Variants in PPM1H observed in about 807,000 individuals in gnomAD.
PPM1H encodes protein phosphatase 1H.
PPM1H carries 27 observed loss-of-function variants against 54.9 expected under a neutral mutation model. The ratio of observed to expected loss-of-function variants is 0.49; its 90% CI spans 0.36 to 0.68. The LOEUF (loss-of-function observed/expected upper bound fraction) is 0.68, where lower values mean the gene tolerates loss of function less well. PPM1H is among the 30% of genes least tolerant of loss of function. PPM1H has a pLI of 0.00. For synonymous variants in PPM1H, 305 were observed against 270.8 expected, an observed-to-expected ratio of 1.13 and a Z score of -1.24; for missense variants, 596 against 667.8, an observed-to-expected ratio of 0.89 and a Z score of 1.19.
chr12:62,750,903 C>T (rs1186253041), intron 4 of PPM1H, among the ~76,000 whole-genome samples: 1 of 152,190 alleles, frequency 6.6e-6, no homozygotes, highest in Non-Finnish European at 1.5e-5. Flanking sequence ...TCATCTGCAT[C>T]AGAGGATATG....
rs184830764 is a variant in PPM1H, at chr12:62,799,185, A to G, written c.756+2631T>C. 3.9e-5 allele frequency among the ~76,000 whole-genome samples: 6 copies of G among 152,346 alleles called. No individual in the cohort carries two copies. The South Asian group carries it at 1.2e-3, about 32-fold the overall frequency. On this transcript the variant is annotated intron_variant, in intron 3 of 9. Coordinates refer to ENST00000228705, the MANE Select transcript of PPM1H (RefSeq NM_020700.2). ...GGTTCATTAAAAGTAGAAATATTTT[A>G]AAAATGAGCCTCTTAAGTATTTTTC...
intron 9 of PPM1H, chr12:62,658,866 G>C (rs2075863301): frequency 1.7e-6 from 1 of 601,408 alleles, no homozygotes; most frequent in Non-Finnish European, 3.1e-6. Context: ...GTCAAAAAAA[G>C]AACCAAGAAG....
intron 8 of PPM1H, among the ~76,000 whole-genome samples, chr12:62,672,243 T>A (rs757780940): frequency 6.6e-6 from 1 of 152,206 alleles, no homozygotes. Flanking sequence ...CAGAATACTA[T>A]TGCTTTTGCG....
intron 8 of PPM1H, among the ~76,000 whole-genome samples, chr12:62,683,114 T>C (rs563840892): frequency 6.6e-6 from 1 of 150,542 alleles, no homozygotes; most frequent in South Asian, 2.1e-4. Context: ...TTCTCCATGT[T>C]GCCCAGGTTG....
At chr12:62,834,051 A>C (rs915960461) in intron 1 of PPM1H, among the ~76,000 whole-genome samples, 1 of 152,180 alleles carries the variant, frequency 6.6e-6, no homozygotes, top group Non-Finnish European at 1.5e-5. Flanking sequence ...TACTAATTTC[A>C]ACTTTAGCAT....
chr12:62,872,143 C>T (rs537592773), intron 1 of PPM1H, among the ~76,000 whole-genome samples: 11 of 152,284 alleles, frequency 7.2e-5, no homozygotes, highest in African/African-American at 1.7e-4. Flanking sequence ...TAGAAGAAGA[C>T]AACTTCAATC....
chr12:62,934,830 G>C lies in PPM1H; in HGVS notation c.-94C>G. The C allele has an allele frequency of 8.3e-7, 1 of 1,210,970 alleles. No individual in the cohort carries two copies. Among genetic ancestry groups the C allele is most frequent in the Admixed American group, 4.4e-5 (1 of 22,918 alleles). The allele number at this position is 1,210,970 out of a possible 1,614,324, so 75.0% of individuals were successfully genotyped here. A position where few individuals can be genotyped will look rare whatever the true frequency, so the allele number is the denominator to read the frequency against. On this transcript the variant is annotated 5_prime_UTR_variant, in exon 1 of 10. Coordinates refer to ENST00000228705, the MANE Select transcript of PPM1H (RefSeq NM_020700.2). The surrounding 1 kb of genome is among the most constrained non-coding windows in gnomAD (Gnocchi z 4.2). ...GGCATGCAGGCTGCGGTGGGCGCCG[G>C]GCGCACGGCGAGTCGGGCCACTGGG... is the stretch of plus-strand genomic sequence containing the variant.
chr12:62,831,067 A>G lies in PPM1H; in HGVS notation c.411+1047T>C, dbSNP rs189610881. On this transcript the variant is annotated intron_variant, in intron 2 of 9. Transcript: ENST00000228705. ...ATGGGGTTTCACCATGTTAGCCAGG[A>G]TGGTCTGGATCTCCTGACCTCATGA... Among the ~76,000 whole-genome samples the G allele has an allele frequency of 2.5e-3, 382 of 152,186 alleles. 2 individuals are homozygous for G. The highest frequency in any genetic ancestry group is 4.8e-3 in the Admixed American group (74 of 15,274).
chr12:62,680,809 T>C (rs575630623), intron 8 of PPM1H, among the ~76,000 whole-genome samples: 1 of 152,322 alleles, frequency 6.6e-6, no homozygotes, highest in African/African-American at 2.4e-5. Context: ...AGGTTTGTTT[T>C]GTAACCAAAA....
intron 4 of PPM1H, among the ~76,000 whole-genome samples, chr12:62,784,050 G>A (rs890538123): frequency 3.3e-5 from 5 of 152,086 alleles, no homozygotes; most frequent in African/African-American, 7.2e-5. Context: ...GTGAAAATCC[G>A]CCCACCATCT....
intron 2 of PPM1H, among the ~76,000 whole-genome samples, chr12:62,817,137 G>GAAAAAAAAAAAAAAAAAAAAAAAAAA (rs748440124): frequency 3.0e-5 from 2 of 67,358 alleles, no homozygotes; most frequent in African/African-American, 6.2e-5. Context: ...AAAAAAAAAA[G>GAAAAAAAAAAAAAAAAAAAAAAAAAA]AAAAAAAAAA....
intron 6 of PPM1H, among the ~76,000 whole-genome samples, chr12:62,711,181 AG>A (rs201533852): frequency 0.01 from 1,578 of 152,280 alleles, 24 homozygotes; most frequent in African/African-American, 0.036. Context: ...TTATAGAAAC[AG>A]GGTCTCCCCA....
At chr12:62,681,225 C>G (rs2076017434) in intron 8 of PPM1H, among the ~76,000 whole-genome samples, 1 of 152,100 alleles carries the variant, frequency 6.6e-6, no homozygotes, top group Non-Finnish European at 1.5e-5. Context: ...ATATTTTTTC[C>G]TCTTTAGACC....
intron 4 of PPM1H, among the ~76,000 whole-genome samples, chr12:62,747,676 C>T (rs1181145662): frequency 6.6e-6 from 1 of 152,224 alleles, no homozygotes; most frequent in Admixed American, 6.5e-5. Context: ...CCAGAGCACA[C>T]TTCAGCCCTT....
chr12:62,919,098 C>T (rs1871712274), intron 1 of PPM1H, among the ~76,000 whole-genome samples: 1 of 152,244 alleles, frequency 6.6e-6, no homozygotes, highest in African/African-American at 2.4e-5. Context: ...ATAATAGTCT[C>T]AGCATGAGTT....
At chr12:62,761,226 G>A (rs968840639) in intron 4 of PPM1H, among the ~76,000 whole-genome samples, 2 of 152,208 alleles carry the variant, frequency 1.3e-5, no homozygotes, top group African/African-American at 4.8e-5. Context: ...GGAGGAATAA[G>A]GGATCAGAAG....
In PPM1H at chr12:62,776,004, T is replaced by C. The variant is rs573095790; in HGVS notation, c.869+12222A>G. Among the ~76,000 whole-genome samples the C allele has an allele frequency of 5.9e-5, 9 of 152,294 alleles. No individual in the cohort carries two copies. In the South Asian group the frequency reaches 1.5e-3, roughly 25 times the overall value. Reference sequence around the variant, plus strand: ...AGGTACAAAGGCACGTCTTACTTGATGGCAGGCAAGAGAGCATGTGAAGGA... The same window carrying C: ...AGGTACAAAGGCACGTCTTACTTGACGGCAGGCAAGAGAGCATGTGAAGGA... On this transcript the variant is annotated intron_variant, in intron 4 of 9. Coordinates refer to ENST00000228705, the MANE Select transcript of PPM1H (RefSeq NM_020700.2).
chr12:62,811,870 G>A (rs748634354), intron 2 of PPM1H, among the ~76,000 whole-genome samples: 1 of 152,206 alleles, frequency 6.6e-6, no homozygotes, highest in Non-Finnish European at 1.5e-5. Flanking sequence ...TCTCTGGTAT[G>A]TCTCAGCAGC....
chr12:62,745,376 T>C (rs923111725), intron 4 of PPM1H, among the ~76,000 whole-genome samples: 2 of 152,192 alleles, frequency 1.3e-5, no homozygotes, highest in Non-Finnish European at 2.9e-5. Context: ...TTTCTTTATA[T>C]ATTTTTGTAT....
Sources: gnomAD v4.1 joint callset for allele counts (sites outside exome capture counted in the v4.1 genomes callset) on GRCh38, gnomAD v4.1.1 for gene constraint, Gnocchi (gnomAD v3.1) non-coding constraint, MANE v1.5 for transcripts, NCBI Gene and HGNC (gene_info 2026-07-23, HGNC 2026-07-21) for gene names.